Variants in TENM2 observed in about 807,000 individuals in gnomAD.
TENM2 encodes the protein teneurin transmembrane protein 2.
TENM2 carries 52 observed loss-of-function variants against 245.2 expected under a neutral mutation model. The observed-to-expected ratio is 0.21, with a 90% CI of 0.17 to 0.27. The LOEUF (loss-of-function observed/expected upper bound fraction) is 0.27, where lower values mean the gene tolerates loss of function less well. TENM2 is among the 10% of genes least tolerant of loss of function. The pLI, the probability that TENM2 is intolerant of heterozygous loss-of-function variation, is 1.00. For synonymous variants in TENM2, 1,363 were observed against 1,438.9 expected (o/e 0.95, Z 1.19); for missense variants, 3,046 against 3,666.8 (o/e 0.83, Z 4.37).
At chr5:168,130,815 G>A (rs765961129) in intron 12 of TENM2, among the ~76,000 whole-genome samples, 17 of 152,114 alleles carry the variant, frequency 1.1e-4, no homozygotes, top group Non-Finnish European at 2.5e-4. Context: ...CTTGAGCCCA[G>A]GGAGGCAGAG....
intron 19 of TENM2, among the ~76,000 whole-genome samples, chr5:168,207,494 G>A (rs1762450941): frequency 6.6e-6 from 1 of 152,076 alleles, no homozygotes; most frequent in Non-Finnish European, 1.5e-5. Context: ...CTTTAGACTT[G>A]TTCTTACTTT....
At chr5:167,478,471 T>C (rs1228751789) in intron 2 of TENM2, among the ~76,000 whole-genome samples, 1 of 152,192 alleles carries the variant, frequency 6.6e-6, no homozygotes, top group Admixed American at 6.5e-5. Context: ...CTTTTTCCCC[T>C]CCTTGTAGCT....
the TENM2 span, among the ~76,000 whole-genome samples, chr5:167,185,772 T>G: frequency 6.6e-6 from 1 of 152,122 alleles, no homozygotes; most frequent in Non-Finnish European, 1.5e-5. Context: ...ACCATAAGCC[T>G]CCATGCTCCT....
At chr5:167,600,926 A>C (rs1445650375) in intron 2 of TENM2, among the ~76,000 whole-genome samples, 2 of 152,236 alleles carry the variant, frequency 1.3e-5, no homozygotes, top group Non-Finnish European at 1.5e-5. Context: ...CCTTAAACAT[A>C]CTTTTGTTCA....
chr5:168,095,800 G>A (rs766336816), intron 8 of TENM2, among the ~76,000 whole-genome samples: 3 of 152,144 alleles, frequency 2.0e-5, no homozygotes, highest in Non-Finnish European at 2.9e-5. Flanking sequence ...GCCTGACACA[G>A]TTTCATGGAT....
intron 2 of TENM2, among the ~76,000 whole-genome samples, chr5:167,410,345 G>A (rs1762841993): frequency 6.6e-6 from 1 of 151,980 alleles, no homozygotes; most frequent in African/African-American, 2.4e-5. Context: ...ATGGTGCTCA[G>A]AATCATCTTG....
chr5:167,096,613 A>T, the TENM2 span, among the ~76,000 whole-genome samples: 2 of 152,256 alleles, frequency 1.3e-5, no homozygotes, highest in East Asian at 1.9e-4. Flanking sequence ...CCTTTTCATA[A>T]AGCCCGACGC....
intron 2 of TENM2, among the ~76,000 whole-genome samples, chr5:167,670,819 T>C (rs1160822848): frequency 6.6e-6 from 1 of 152,158 alleles, no homozygotes; most frequent in African/African-American, 2.4e-5. Flanking sequence ...AAAGAAGTAG[T>C]CTGTTTTGCA....
intron 2 of TENM2, among the ~76,000 whole-genome samples, chr5:167,767,428 G>C (rs1298019878): frequency 6.6e-6 from 1 of 152,200 alleles, no homozygotes; most frequent in Non-Finnish European, 1.5e-5. Flanking sequence ...TGTTTAATGG[G>C]TATGGAGTTT....
intron 21 of TENM2, among the ~76,000 whole-genome samples, chr5:168,216,325 G>GT (rs1289418260): frequency 2.6e-5 from 4 of 152,204 alleles, no homozygotes; most frequent in Non-Finnish European, 5.9e-5. Context: ...TTAGGAGTTT[G>GT]TAACTACAAG....
rs144935026 is a variant in TENM2, at chr5:167,753,569, C to A, written c.503-122417C>A. Reference sequence around the variant, plus strand: ...TGTATTAATGCAATCTTCATGATAACCTGTTGATGTTGCTTCTGTTATTAT... The same window carrying A: ...TGTATTAATGCAATCTTCATGATAAACTGTTGATGTTGCTTCTGTTATTAT... On this transcript the variant is annotated intron_variant, in intron 2 of 28. Transcript: ENST00000518659. Among the ~76,000 whole-genome samples, 13 of 152,246 alleles carry A rather than the reference C, an allele frequency of 8.5e-5. No individual in the cohort carries two copies. In the East Asian group the frequency reaches 1.2e-3, roughly 14 times the overall value.
At chr5:167,659,487 C>G (rs553196868) in intron 2 of TENM2, among the ~76,000 whole-genome samples, 1 of 152,120 alleles carries the variant, frequency 6.6e-6, no homozygotes, top group South Asian at 2.1e-4. Context: ...AAATGAAATA[C>G]TCAGTACTTT....
At chr5:167,200,387 A>G in the TENM2 span, among the ~76,000 whole-genome samples, 4 of 151,962 alleles carry the variant, frequency 2.6e-5, no homozygotes, top group Non-Finnish European at 2.9e-5. Flanking sequence ...ATTTTACTGC[A>G]TGACATTCTA....
chr5:167,899,886 G>A (rs555748125), intron 3 of TENM2, among the ~76,000 whole-genome samples: 10 of 152,182 alleles, frequency 6.6e-5, no homozygotes, highest in African/African-American at 2.4e-4. Flanking sequence ...TGAACAAAGA[G>A]AAATAAAAGC....
At position 167,285,448 on chromosome 5, in the gene TENM2, T is replaced by C. The variant is rs538247770; in HGVS notation, c.226+385T>C. 2.0e-5 allele frequency among the ~76,000 whole-genome samples: 3 copies of C among 152,336 alleles called. No individual in the cohort carries two copies. In the South Asian group the frequency reaches 6.2e-4, roughly 32 times the overall value. On this transcript the variant is annotated intron_variant, in intron 1 of 28. Coordinates refer to ENST00000518659, the Ensembl canonical transcript of TENM2. Reference sequence around the variant, plus strand: ...ATGTTAATTCTGAGTTATACGTTTCTCTTTTTGTGTTTCAGAGCATGGGTG... The same window carrying C: ...ATGTTAATTCTGAGTTATACGTTTCCCTTTTTGTGTTTCAGAGCATGGGTG...
intron 2 of TENM2, among the ~76,000 whole-genome samples, chr5:167,655,699 T>G (rs1283389663): frequency 6.6e-6 from 1 of 152,208 alleles, no homozygotes; most frequent in Non-Finnish European, 1.5e-5. Context: ...TTGGTCTTTC[T>G]GTATGTTAAT....
At chr5:167,028,692 C>A in the TENM2 span, among the ~76,000 whole-genome samples, 1 of 151,722 alleles carries the variant, frequency 6.6e-6, no homozygotes, top group Non-Finnish European at 1.5e-5. Context: ...TTATGTATGC[C>A]ATATATAAAT....
the TENM2 span, among the ~76,000 whole-genome samples, chr5:167,135,249 A>G: frequency 7.2e-5 from 11 of 152,360 alleles, no homozygotes; most frequent in Non-Finnish European, 1.5e-4. Context: ...GGAAACATAT[A>G]CAATTTTATT....
intron 1 of TENM2, among the ~76,000 whole-genome samples, chr5:167,351,502 T>A (rs1451140846): frequency 6.6e-6 from 1 of 152,206 alleles, no homozygotes; most frequent in Non-Finnish European, 1.5e-5. Flanking sequence ...CAATAGCTCC[T>A]GACAGGGCAT....
Sources: gnomAD v4.1 joint callset for allele counts (sites outside exome capture counted in the v4.1 genomes callset) on GRCh38, gnomAD v4.1.1 for gene constraint, MANE v1.5 for transcripts, NCBI Gene and HGNC (gene_info 2026-07-23, HGNC 2026-07-21) for gene names.